Variants in NPLOC4 observed in about 807,000 individuals in gnomAD.
NPLOC4 encodes NPL4 homolog, ubiquitin recognition factor.
A neutral mutation model predicts 80.6 loss-of-function variants in NPLOC4; 18 were observed. The ratio of observed to expected loss-of-function variants is 0.22; its 90% CI spans 0.15 to 0.33. The LOEUF is 0.33. Ranked by LOEUF, NPLOC4 falls within the 10% of genes least tolerant of loss-of-function variation. The pLI, the probability that NPLOC4 is intolerant of heterozygous loss-of-function variation, is 1.00. For synonymous variants in NPLOC4, 313 were observed against 301.5 expected (o/e 1.04, Z -0.39); for missense variants, 540 against 786.1 (o/e 0.69, Z 3.74).
Position 81,565,257 on chromosome 17 carries a change from G to A in NPLOC4, c.1669+248C>T. On this transcript the variant is annotated intron_variant, in intron 16 of 16. Coordinates refer to ENST00000331134, the MANE Select transcript of NPLOC4 (RefSeq NM_017921.4). ...TGGAGATTAGTATCTCTGATGTACA[G>A]GTTTATAAAATTTACAGGGCTGTGT... 5 of 684,506 alleles carry A rather than the reference G, an allele frequency of 7.3e-6. No homozygotes were observed. In the South Asian group the frequency reaches 7.5e-5, roughly 10 times the overall value. The allele number at this position is 684,506 out of a possible 1,614,324, so 42.4% of individuals were successfully genotyped here.
At chr17:81,624,451 T>C (rs1262547541) in intron 2 of NPLOC4, among the ~76,000 whole-genome samples, 2 of 151,690 alleles carry the variant, frequency 1.3e-5, no homozygotes, top group Non-Finnish European at 2.9e-5. Flanking sequence ...AGACAAAAAT[T>C]AGCCAGGCAT....
intron 12 of NPLOC4, among the ~76,000 whole-genome samples, chr17:81,586,503 G>A (rs1425920430): frequency 2.0e-5 from 3 of 151,974 alleles, no homozygotes; most frequent in East Asian, 1.9e-4. Flanking sequence ...CCAACTACTC[G>A]GGAGGCTGAG....
chr17:81,631,452 TTTTTTTTTTTC>T (rs1342958210), intron 1 of NPLOC4, among the ~76,000 whole-genome samples: 14 of 102,898 alleles, frequency 1.4e-4, no homozygotes, highest in Admixed American at 2.9e-4. Context: ...TTTTTTTTTT[TTTTTTTTTTTC>T]CCCCACGGCA....
At chr17:81,578,433 C>T (rs1432740932) in intron 12 of NPLOC4, among the ~76,000 whole-genome samples, 1 of 152,208 alleles carries the variant, frequency 6.6e-6, no homozygotes, top group Non-Finnish European at 1.5e-5. Context: ...TAACACCTGA[C>T]CCACGGGAAG....
At chr17:81,569,208 G>C in intron 13 of NPLOC4, 97 bp from the exon 14 acceptor site, 1 of 729,946 alleles carries the variant, frequency 1.4e-6, no homozygotes, top group East Asian at 2.5e-5. Flanking sequence ...CCAAATTAAC[G>C]ACTCCTAGCA....
At chr17:81,561,288 C>T (rs1053074511) in intron 16 of NPLOC4, among the ~76,000 whole-genome samples, 2 of 152,082 alleles carry the variant, frequency 1.3e-5, no homozygotes, top group Admixed American at 6.6e-5. Flanking sequence ...TTTCACCCTC[C>T]GCCCAGCTTC....
At chr17:81,593,330 C>T (rs2144158894) in intron 11 of NPLOC4, among the ~76,000 whole-genome samples, 1 of 152,210 alleles carries the variant, frequency 6.6e-6, no homozygotes, top group African/African-American at 2.4e-5. Flanking sequence ...AGCTGAGAGG[C>T]CTGGACCCAG....
intron 13 of NPLOC4, 138 bp downstream of exon 13, chr17:81,571,879 G>T: frequency 4.1e-6 from 2 of 482,360 alleles, no homozygotes; most frequent in Non-Finnish European, 3.7e-6. Flanking sequence ...CTGGGTGCCT[G>T]TTCTGGGGTG....
intron 3 of NPLOC4, among the ~76,000 whole-genome samples, chr17:81,621,041 A>G (rs1397082117): frequency 6.6e-6 from 1 of 151,952 alleles, no homozygotes; most frequent in African/African-American, 2.4e-5. Context: ...GAAAGAAAGG[A>G]AAAGGAAAAG....
chr17:81,559,006 T>C lies in NPLOC4; in HGVS notation c.*253A>G. Reference sequence around the variant, plus strand: ...ACGGCGGGGGACTTGTCAACAGGATTAGGCGTGAGGAGCCGCTCTGCGTTT... The same window carrying C: ...ACGGCGGGGGACTTGTCAACAGGATCAGGCGTGAGGAGCCGCTCTGCGTTT... On this transcript the variant is annotated 3_prime_UTR_variant, in exon 17 of 17. Coordinates refer to ENST00000331134, the MANE Select transcript of NPLOC4 (RefSeq NM_017921.4). 2.1e-6 allele frequency: 1 copy of C among 470,984 alleles called. No individual in the cohort carries two copies. Among genetic ancestry groups the C allele is most frequent in the Admixed American group, 3.8e-5 (1 of 26,456 alleles). 29.2% of individuals were successfully genotyped at this position (470,984 alleles called of 1,614,324 possible).
chr17:81,571,685 T>C (rs77985450), intron 13 of NPLOC4, among the ~76,000 whole-genome samples: 1 of 152,196 alleles, frequency 6.6e-6, no homozygotes, highest in Non-Finnish European at 1.5e-5. Flanking sequence ...ACCCAAGCAA[T>C]GGGGGTTCGC....
intron 11 of NPLOC4, among the ~76,000 whole-genome samples, chr17:81,594,354 A>C (rs183185105): frequency 6.6e-6 from 1 of 151,768 alleles, no homozygotes; most frequent in African/African-American, 2.4e-5. Flanking sequence ...TTAATTATTA[A>C]CATAATTAAC....
At chr17:81,559,646 T>G (rs979397009) in intron 16 of NPLOC4, among the ~76,000 whole-genome samples, 1 of 151,848 alleles carries the variant, frequency 6.6e-6, no homozygotes, top group Non-Finnish European at 1.5e-5. Context: ...CTGTGCTTGC[T>G]GGTTCCTTTT....
intron 3 of NPLOC4, among the ~76,000 whole-genome samples, chr17:81,618,534 T>C (rs1598676225): frequency 1.1e-5 from 1 of 90,594 alleles, no homozygotes; most frequent in African/African-American, 4.9e-5. Context: ...GGGAGGGAGG[T>C]GAGGGGTCAG....
At chr17:81,629,946 C>A in intron 1 of NPLOC4, 141 bp from the exon 2 acceptor site, 5 of 633,488 alleles carry the variant, frequency 7.9e-6, no homozygotes, top group Non-Finnish European at 1.4e-5. Context: ...CAATACCCAG[C>A]TCAATCCTTC....
chr17:81,587,091 T>C (rs1186506440), intron 12 of NPLOC4, among the ~76,000 whole-genome samples: 1 of 152,184 alleles, frequency 6.6e-6, no homozygotes, highest in Non-Finnish European at 1.5e-5. Flanking sequence ...CAGACCCACA[T>C]ATGCTAACCC....
At chr17:81,618,186 G>A (rs1002796432) in intron 3 of NPLOC4, among the ~76,000 whole-genome samples, 40 of 151,080 alleles carry the variant, frequency 2.6e-4, no homozygotes, top group Admixed American at 9.2e-4. Context: ...GTCTCTGCCC[G>A]GCCGCCATCC....
At chr17:81,600,075 A>AT (rs1393789229) in intron 9 of NPLOC4, among the ~76,000 whole-genome samples, 1 of 152,064 alleles carries the variant, frequency 6.6e-6, no homozygotes, top group Admixed American at 6.5e-5. Context: ...AGGCTGAAAT[A>AT]TAACAGCCAG....
intron 1 of NPLOC4, among the ~76,000 whole-genome samples, chr17:81,630,287 T>C (rs562215338): frequency 6.6e-6 from 1 of 152,202 alleles, no homozygotes; most frequent in East Asian, 1.9e-4. Context: ...TTTCTAATTG[T>C]TACTTTTTTT....
Sources: gnomAD v4.1 joint callset for allele counts (sites outside exome capture counted in the v4.1 genomes callset) on GRCh38, gnomAD v4.1.1 for gene constraint, MANE v1.5 for transcripts, NCBI Gene and HGNC (gene_info 2026-07-23, HGNC 2026-07-21) for gene names.